TBC1D32: variants seen among roughly 807,000 people sequenced by gnomAD.
TBC1D32 encodes TBC1 domain family member 32.
Under a neutral mutation model 170.3 loss-of-function variants are expected in TBC1D32, and 151 were observed. That is an observed-to-expected ratio of 0.89 (90% CI 0.78 to 1.01). The LOEUF is 1.01. TBC1D32 is among the 50% of genes least tolerant of loss of function. TBC1D32 has a pLI of 0.00. For synonymous variants in TBC1D32, 498 were observed against 488.0 expected, an observed-to-expected ratio of 1.02 and a Z score of -0.27; for missense variants, 1,464 against 1,457.1, an observed-to-expected ratio of 1.00 and a Z score of -0.08.
intron 24 of TBC1D32, among the ~76,000 whole-genome samples, chr6:121,151,544 C>T (rs1784210613): frequency 3.3e-5 from 5 of 152,128 alleles, no homozygotes; most frequent in Admixed American, 3.3e-4. Flanking sequence ...GAGTGCAAGT[C>T]CTGAATATTC....
rs769360239 is a variant in TBC1D32 at position 121,256,132 on chromosome 6, C to T, written c.1887G>A (p.Val629=). The T allele has an allele frequency of 1.1e-5, 18 of 1,613,810 alleles. No homozygotes were observed. In the African/African-American group the frequency reaches 2.4e-4, roughly 22 times the overall value. ...HIYSTCEGLQ[V]LITYNLHESI... Reference sequence around the variant, plus strand: ...ATTCATGCAAATTATAAGTGATTAACACCTGCAAACCTTCACATGTACTAT... The same window carrying T: ...ATTCATGCAAATTATAAGTGATTAATACCTGCAAACCTTCACATGTACTAT... Residue 629 remains valine, a synonymous_variant, in exon 16 of 32, where the codon GTG becomes GTA. Transcript: ENST00000398212.
intron 22 of TBC1D32, among the ~76,000 whole-genome samples, chr6:121,202,398 C>T (rs78681314): frequency 0.028 from 4,213 of 149,058 alleles, 319 homozygotes; most frequent in African/African-American, 0.092. Flanking sequence ...ATATCAAATG[C>T]TACTGACAGT....
Position 121,285,526 on chromosome 6 carries a change from C to T in TBC1D32, c.1373-1616G>A, listed in dbSNP as rs764040528. 1.8e-4 allele frequency among the ~76,000 whole-genome samples: 28 copies of T among 152,078 alleles called. 1 individual carries two copies. Among genetic ancestry groups the T allele is most frequent in the Non-Finnish European group, 7.4e-5 (5 of 68,016 alleles). ...TAAACTCCCAAAAGAAAACCAGGTA[C>T]GAGGGGTGGAGCCAAGATGGCCAAA... On this transcript the variant is annotated intron_variant, in intron 12 of 31. Coordinates refer to ENST00000398212, the MANE Select transcript of TBC1D32 (RefSeq NM_152730.6).
At chr6:121,217,073 C>G (rs1181536129) in intron 21 of TBC1D32, among the ~76,000 whole-genome samples, 1 of 152,200 alleles carries the variant, frequency 6.6e-6, no homozygotes, top group African/African-American at 2.4e-5. Flanking sequence ...ATTCAACTCT[C>G]CCATTTGGCC....
At chr6:121,152,081 A>G (rs1241240719) in intron 24 of TBC1D32, among the ~76,000 whole-genome samples, 1 of 152,174 alleles carries the variant, frequency 6.6e-6, no homozygotes, top group Non-Finnish European at 1.5e-5. Flanking sequence ...TAGTTGGCGT[A>G]GTTTCTTCAC....
At chr6:121,268,122 A>G (rs1800803391) in intron 15 of TBC1D32, among the ~76,000 whole-genome samples, 1 of 151,658 alleles carries the variant, frequency 6.6e-6, no homozygotes, top group Admixed American at 6.6e-5. Context: ...ATCATAAAAG[A>G]AAAAAGGTAG....
rs772093795 is a variant in TBC1D32, at chr6:121,279,222, T to C, written c.1632A>G (p.Thr544=). ...GNEASPNCSE[T]ALIHIAGILA... Reference sequence around the variant, plus strand: ...AAATACCAGCTATATGAATTAAAGCTGTCTCAGAGCAATTTGGAGATGCCT... The same window carrying C: ...AAATACCAGCTATATGAATTAAAGCCGTCTCAGAGCAATTTGGAGATGCCT... Residue 544 remains threonine, a synonymous_variant, in exon 15 of 32, where the codon ACA becomes ACG. Transcript: ENST00000398212. 6.2e-7 allele frequency: 1 copy of C among 1,608,526 alleles called. No homozygotes were observed. Among genetic ancestry groups the C allele is most frequent in the South Asian group, 1.1e-5 (1 of 89,762 alleles).
At chr6:121,230,687 ATGTGTGTATATATATTTGC>A (rs1014930836) in intron 20 of TBC1D32, among the ~76,000 whole-genome samples, 1 of 151,536 alleles carries the variant, frequency 6.6e-6, no homozygotes, top group African/African-American at 2.4e-5. Flanking sequence ...ATATATACAC[ATGTGTGTATATATATTTGC>A]CACTTGTGCA....
chr6:121,283,950 A>G, intron 12 of TBC1D32, 40 bp from the exon 13 acceptor site: 1 of 1,422,588 alleles, frequency 7.0e-7, no homozygotes, highest in East Asian at 2.4e-5. Context: ...TTTCTAGCAT[A>G]TTCTTTCAAC....
intron 30 of TBC1D32, among the ~76,000 whole-genome samples, chr6:121,100,492 T>G (rs912937600): frequency 3.3e-5 from 5 of 152,016 alleles, no homozygotes; most frequent in Non-Finnish European, 5.9e-5. Context: ...TAGCTCTTCT[T>G]GTTGAATTGA....
At chr6:121,235,656 A>G (rs989481590) in intron 20 of TBC1D32, among the ~76,000 whole-genome samples, 1 of 152,198 alleles carries the variant, frequency 6.6e-6, no homozygotes, top group African/African-American at 2.4e-5. Context: ...CAGGGCGGAG[A>G]ACTTGACCCA....
At chr6:121,103,400 A>G (rs954294500) in intron 30 of TBC1D32, among the ~76,000 whole-genome samples, 1 of 152,040 alleles carries the variant, frequency 6.6e-6, no homozygotes, top group African/African-American at 2.4e-5. Context: ...AATACTATGC[A>G]GCCATAAAAA....
chr6:121,281,474 T>C lies in TBC1D32; in HGVS notation c.1608+70A>G, dbSNP rs60073741. 4.0e-3 allele frequency: 4,900 copies of C among 1,237,960 alleles called. 152 individuals are homozygous for C. The African/African-American group carries it at 0.069, about 18-fold the overall frequency. The allele number at this position is 1,237,960 out of a possible 1,614,324, so 76.7% of individuals were successfully genotyped here. On this transcript the variant is annotated intron_variant, in intron 14 of 31. Transcript: ENST00000398212. ...TAATAAAATATTTCAAATTTAGAAA[T>C]AAAGTCCCACTGAGTATCCACTAAT...
chr6:121,188,747 A>C (rs923530350), intron 22 of TBC1D32, among the ~76,000 whole-genome samples: 43 of 152,236 alleles, frequency 2.8e-4, no homozygotes, highest in Non-Finnish European at 2.9e-5. Context: ...ATACTTTTTG[A>C]CTTTTTAAAA....
At chr6:121,086,775 T>C (rs1176289507) in intron 31 of TBC1D32, among the ~76,000 whole-genome samples, 1 of 152,134 alleles carries the variant, frequency 6.6e-6, no homozygotes, top group Admixed American at 6.5e-5. Context: ...CCTATTAGCA[T>C]GTTAGAGAAG....
intron 31 of TBC1D32, among the ~76,000 whole-genome samples, chr6:121,086,940 GT>G (rs1776326410): frequency 6.6e-6 from 1 of 152,164 alleles, no homozygotes; most frequent in South Asian, 2.1e-4. Flanking sequence ...TTTGTTGGAT[GT>G]TTTTCCCCTT....
At chr6:121,130,437 G>A (rs1562581953) in intron 25 of TBC1D32, among the ~76,000 whole-genome samples, 1 of 152,178 alleles carries the variant, frequency 6.6e-6, no homozygotes, top group East Asian at 1.9e-4. Flanking sequence ...AGCCAAGATC[G>A]CACCATGGCA....
chr6:121,173,732 G>A lies in TBC1D32; in HGVS notation c.2571-12676C>T, dbSNP rs576449664. Among the ~76,000 whole-genome samples, 3 of 151,942 alleles carry A rather than the reference G, an allele frequency of 2.0e-5. No individual in the cohort carries two copies. The South Asian group carries it at 6.3e-4, about 32-fold the overall frequency. On this transcript the variant is annotated intron_variant, in intron 22 of 31. Transcript: ENST00000398212. ...ATGGGGGGTACCAGGGGAGGGGAGA[G>A]GATGGCCGGAAAAAGGAGCAAACAC... is the stretch of plus-strand genomic sequence containing the variant.
chr6:121,114,576 C>T (rs1779507728), intron 27 of TBC1D32, among the ~76,000 whole-genome samples: 1 of 151,786 alleles, frequency 6.6e-6, no homozygotes, highest in African/African-American at 2.4e-5. Flanking sequence ...ATAAAAATAC[C>T]CAGCTTTTTA....
Sources: allele counts gnomAD v4.1 joint callset (sites outside exome capture counted in the v4.1 genomes callset), GRCh38; gene constraint gnomAD v4.1.1; transcripts MANE v1.5; gene names NCBI Gene and HGNC (gene_info 2026-07-23, HGNC 2026-07-21).